KIF3C: variants seen among roughly 807,000 people sequenced by gnomAD.
KIF3C encodes kinesin family member 3C.
KIF3C carries 12 observed loss-of-function variants against 67.7 expected under a neutral mutation model. That is an observed-to-expected ratio of 0.18 (90% CI 0.11 to 0.29). The LOEUF is 0.29. Ranked by LOEUF, KIF3C falls within the 10% of genes least tolerant of loss-of-function variation. The probability of loss-of-function intolerance (pLI) is 1.00; values close to 1 mark genes in which losing one functional copy is unlikely to be tolerated. For synonymous variants in KIF3C, 393 were observed against 426.2 expected (o/e 0.92, Z 0.96); for missense variants, 789 against 1,059.6 (o/e 0.74, Z 3.55).
chr2:25,941,305 A>G lies in KIF3C; in HGVS notation c.2006+10484T>C, dbSNP rs548070921. Among the ~76,000 whole-genome samples the G allele has an allele frequency of 2.0e-5, 3 of 152,218 alleles. No individual in the cohort carries two copies. The East Asian group carries it at 5.8e-4, about 30-fold the overall frequency. Reference sequence around the variant, plus strand: ...GGCAACACAGTGAGACCCTGTCTCAAAAAAAGAAAGAAAAGAAACAAAGAA... The same window carrying G: ...GGCAACACAGTGAGACCCTGTCTCAGAAAAAGAAAGAAAAGAAACAAAGAA... On this transcript the variant is annotated intron_variant, in intron 5 of 7. Transcript: ENST00000264712.
rs911708917 is a variant in KIF3C, at chr2:25,946,344, CA to C, written c.2006+5444del. On this transcript the variant is annotated intron_variant, in intron 5 of 7. Coordinates refer to ENST00000264712, the MANE Select transcript of KIF3C (RefSeq NM_002254.8). ...CCAAGGTGGGCGGATCACTTGAGAT[CA>C]GGAGTTCGAGACCAGCCTGGCCAAC... 6.5e-4 allele frequency among the ~76,000 whole-genome samples: 99 copies of C among 152,058 alleles called. 2 individuals carry two copies. The highest frequency in any genetic ancestry group is 5.1e-4 in the Non-Finnish European group (35 of 67,994).
At position 25,955,443 on chromosome 2, in the gene KIF3C, T is replaced by C. The variant is rs1663781333; in HGVS notation, c.1770+98A>G. On this transcript the variant is annotated intron_variant, in intron 3 of 7. Coordinates refer to ENST00000264712, the MANE Select transcript of KIF3C (RefSeq NM_002254.8). The surrounding 1 kb of genome is among the most constrained non-coding windows in gnomAD (Gnocchi z 5.0). ...CCATGTCACTCAGGGGTTCAGCAGT[T>C]CCAGCCAAATGGGGAGGAGTCCCTG... 3.4e-6 allele frequency: 5 copies of C among 1,474,004 alleles called. No individual in the cohort carries two copies. In the East Asian group the frequency reaches 9.2e-5, roughly 27 times the overall value. The allele number at this position is 1,474,004 out of a possible 1,614,324, so 91.3% of individuals were successfully genotyped here.
intron 1 of KIF3C, among the ~76,000 whole-genome samples, chr2:25,967,885 A>T (rs912302437): frequency 6.6e-6 from 1 of 152,232 alleles, no homozygotes; most frequent in East Asian, 1.9e-4. Flanking sequence ...GTTTGAGAAT[A>T]GATGTGAAAG....
chr2:25,966,354 CCTT>C (rs1664140526), intron 1 of KIF3C, among the ~76,000 whole-genome samples: 1 of 152,216 alleles, frequency 6.6e-6, no homozygotes, highest in Non-Finnish European at 1.5e-5. Context: ...GATCCACCCA[CCTT>C]GACCTTCCAA....
At chr2:25,971,962 A>C (rs143211626) in intron 1 of KIF3C, among the ~76,000 whole-genome samples, 4,515 of 144,854 alleles carry the variant, frequency 0.031, 106 homozygotes, top group African/African-American at 0.071. Context: ...CCTGGCCTCA[A>C]GTGATCCTCC....
chr2:25,982,196 G>A lies in KIF3C; in HGVS notation c.-279C>T. ...CAGCGCCTGCCGAGCAGCCGTGCCC[G>A]GAGCCCGCCCCATGCAGGAGCAGAG... On this transcript the variant is annotated 5_prime_UTR_variant, in exon 1 of 8. Coordinates refer to ENST00000264712, the MANE Select transcript of KIF3C (RefSeq NM_002254.8). 1 of 441,222 alleles carries A rather than the reference G, an allele frequency of 2.3e-6. No homozygotes were observed. Among genetic ancestry groups the A allele is most frequent in the Non-Finnish European group, 4.0e-6 (1 of 251,240 alleles). 27.3% of individuals were successfully genotyped at this position (441,222 alleles called of 1,614,324 possible). A position where few individuals can be genotyped will look rare whatever the true frequency, so the allele number is the denominator to read the frequency against.
chr2:25,966,789 A>T (rs1433906941), intron 1 of KIF3C, among the ~76,000 whole-genome samples: 3 of 152,212 alleles, frequency 2.0e-5, no homozygotes, highest in Admixed American at 1.3e-4. Flanking sequence ...ATTCCGCAGG[A>T]GACAGGAGTC....
rs70950146 is a variant in KIF3C at position 25,971,871 on chromosome 2, C to CTTTTTTTTTTTTTTT, written c.1545+8487_1545+8501dup. On this transcript the variant is annotated intron_variant, in intron 1 of 7. Coordinates refer to ENST00000264712, the MANE Select transcript of KIF3C (RefSeq NM_002254.8). ...TACAGGCATGCAGTACCATGCCTAG[C>CTTTTTTTTTTTTTTT]TTTTTTTTTTTTTTTTTTTTTTTTT... Among the ~76,000 whole-genome samples, 8 of 53,804 alleles carry CTTTTTTTTTTTTTTT rather than the reference C, an allele frequency of 1.5e-4. 1 individual carries two copies. The highest frequency in any genetic ancestry group is 2.6e-4 in the Non-Finnish European group (7 of 26,868). The allele number at this position is 53,804 out of a possible 152,430, so 35.3% of individuals were successfully genotyped here. A position where few individuals can be genotyped will look rare whatever the true frequency, so the allele number is the denominator to read the frequency against.
At chr2:25,935,100 C>T (rs1201791349) in intron 5 of KIF3C, among the ~76,000 whole-genome samples, 1 of 151,894 alleles carries the variant, frequency 6.6e-6, no homozygotes, top group Non-Finnish European at 1.5e-5. Flanking sequence ...AAAAATTAGC[C>T]GGGCATGGTG....
At chr2:25,935,884 T>G (rs1419423148) in intron 5 of KIF3C, among the ~76,000 whole-genome samples, 1 of 151,248 alleles carries the variant, frequency 6.6e-6, no homozygotes, top group Non-Finnish European at 1.5e-5. Flanking sequence ...GAGACCATCC[T>G]GGCTAACACG....
intron 1 of KIF3C, among the ~76,000 whole-genome samples, chr2:25,968,423 T>A (rs547352429): frequency 6.6e-5 from 10 of 152,232 alleles, no homozygotes; most frequent in Middle Eastern, 3.4e-3. Context: ...CAGCTCACCT[T>A]GAAAAAAAGC....
Position 25,981,114 on chromosome 2 carries a change from G to A in KIF3C, c.804C>T (p.Ser268=), listed in dbSNP as rs1212841376. The A allele has an allele frequency of 2.0e-5, 32 of 1,614,202 alleles. No individual in the cohort carries two copies. Among genetic ancestry groups the A allele is most frequent in the Non-Finnish European group, 2.5e-5 (30 of 1,180,040 alleles). The change falls in exon 1 of 8, where the codon TCC becomes TCT. Residue 268 remains serine (S), a synonymous_variant. Transcript: ENST00000264712. This position sits in a 1 kb window ranked among gnomAD's most constrained non-coding sequence, Gnocchi z 8.2. The part of the protein sequence containing the change: ...PNTAGGAATP[S]SGGGGGGGGS... ...CTCCACCGCCACCACCGCCACCCGA[G>A]GATGGTGTGGCTGCCCCTCCCGCTG...
At chr2:25,942,769 C>T (rs1412323527) in intron 5 of KIF3C, among the ~76,000 whole-genome samples, 4 of 152,164 alleles carry the variant, frequency 2.6e-5, no homozygotes, top group Admixed American at 6.6e-5. Flanking sequence ...GAAGGCACCT[C>T]ACCTTATATT....
chr2:25,975,959 A>G (rs978360991), intron 1 of KIF3C, among the ~76,000 whole-genome samples: 4 of 151,580 alleles, frequency 2.6e-5, no homozygotes, highest in Non-Finnish European at 4.4e-5. Flanking sequence ...CTCCGCCTCA[A>G]AAAAAAAACA....
chr2:25,941,997 A>G (rs1663293906), intron 5 of KIF3C, among the ~76,000 whole-genome samples: 1 of 152,122 alleles, frequency 6.6e-6, no homozygotes, highest in African/African-American at 2.4e-5. Context: ...AGATGATGCC[A>G]TTGCACCCTA....
In KIF3C at chr2:25,961,098, G is replaced by A. The variant is rs1663933574; in HGVS notation, c.1546-4654C>T. ...CATGTTTCCGGCAAGAGGAAATGGTGTCTGACTAATCTCTGAGAGTTCTTT... is the reference window on the plus strand; with the variant it reads ...CATGTTTCCGGCAAGAGGAAATGGTATCTGACTAATCTCTGAGAGTTCTTT... On this transcript the variant is annotated intron_variant, in intron 1 of 7. Coordinates refer to ENST00000264712, the MANE Select transcript of KIF3C (RefSeq NM_002254.8). Among the ~76,000 whole-genome samples, 3 of 152,218 alleles carry A rather than the reference G, an allele frequency of 2.0e-5. No homozygotes were observed. The South Asian group carries it at 6.2e-4, about 32-fold the overall frequency.
At position 25,981,721 on chromosome 2, in the gene KIF3C, G is replaced by C; in HGVS notation, c.197C>G (p.Ala66Gly). The C allele has an allele frequency of 1.9e-6, 3 of 1,613,568 alleles. No individual in the cohort carries two copies. Among genetic ancestry groups the C allele is most frequent in the Non-Finnish European group, 2.5e-6 (3 of 1,179,638 alleles). ...ATACAGGTCGGCCTGCTTGGAGCTG[G>C]CATCATACACGGCGTCAAAGGTGAA... ...KTFTFDAVYDASSKQADLYDE... is the reference protein window; with the variant it reads ...KTFTFDAVYDGSSKQADLYDE... Residue 66 changes from alanine (A) to glycine (G), a missense_variant, in exon 1 of 8, where the codon GCC becomes GGC. By Grantham distance (60) the Ala-to-Gly change is moderately conservative (BLOSUM62 0). Transcript: ENST00000264712. This position sits in a 1 kb window ranked among gnomAD's most constrained non-coding sequence, Gnocchi z 8.2.
chr2:25,942,995 G>T (rs554522931), intron 5 of KIF3C, among the ~76,000 whole-genome samples: 9 of 152,316 alleles, frequency 5.9e-5, no homozygotes, highest in Non-Finnish European at 8.8e-5. Flanking sequence ...GGGACAGCAT[G>T]ACTTCAGGTA....
chr2:25,980,883 A>AGCTGGCCCCAGTGTG lies in KIF3C; in HGVS notation c.1020_1034dup (p.Thr341_Ala345dup). 6.2e-7 allele frequency: 1 copy of AGCTGGCCCCAGTGTG among 1,614,156 alleles called. No homozygotes were observed. The highest frequency in any genetic ancestry group is 2.2e-5 in the East Asian group (1 of 44,878). ...AGAGGCTCTCATCGTAGCTGTGAGA[A>AGCTGGCCCCAGTGTG]GCTGGCCCCAGTGTGGCTACCATGA... is the stretch of plus-strand genomic sequence containing the variant. On this transcript the variant is annotated inframe_insertion, in exon 1 of 8. Coordinates refer to ENST00000264712, the MANE Select transcript of KIF3C (RefSeq NM_002254.8). The surrounding 1 kb of genome is among the most constrained non-coding windows in gnomAD (Gnocchi z 7.6).
Sources: gnomAD v4.1 joint callset for allele counts (sites outside exome capture counted in the v4.1 genomes callset) on GRCh38, gnomAD v4.1.1 for gene constraint, Gnocchi (gnomAD v3.1) non-coding constraint, MANE v1.5 for transcripts, NCBI Gene and HGNC (gene_info 2026-07-23, HGNC 2026-07-21) for gene names.